XYLT1: variants seen among roughly 807,000 people sequenced by gnomAD.
XYLT1 encodes xylosyltransferase 1.
Under a neutral mutation model 91.3 loss-of-function variants are expected in XYLT1, and 36 were observed. The observed-to-expected ratio is 0.39, with a 90% CI of 0.30 to 0.52. XYLT1 has a LOEUF of 0.52. Among genes scored for constraint, XYLT1 ranks in the 20% least tolerant of loss-of-function variants. The probability of loss-of-function intolerance (pLI) is 0.68; values close to 1 mark genes in which losing one functional copy is unlikely to be tolerated. For synonymous variants in XYLT1, 588 were observed against 532.0 expected (o/e 1.11, Z -1.45); for missense variants, 1,242 against 1,284.5 (o/e 0.97, Z 0.51).
chr16:17,445,361 G>C (rs1400121554), intron 1 of XYLT1, among the ~76,000 whole-genome samples: 2 of 152,226 alleles, frequency 1.3e-5, no homozygotes, highest in African/African-American at 4.8e-5. Context: ...ATTAATATTT[G>C]TCAGATGAAT....
chr16:17,332,454 C>T (rs1447004636), intron 2 of XYLT1, among the ~76,000 whole-genome samples: 5 of 151,918 alleles, frequency 3.3e-5, no homozygotes, highest in South Asian at 2.1e-4. Flanking sequence ...CCCAGCTACT[C>T]GGGAGGCTGA....
At chr16:17,298,938 G>A (rs1182602610) in intron 2 of XYLT1, among the ~76,000 whole-genome samples, 1 of 151,870 alleles carries the variant, frequency 6.6e-6, no homozygotes, top group African/African-American at 2.4e-5. Context: ...ATCACTCTCT[G>A]GGCTATTAAA....
chr16:17,266,746 T>C (rs773027383), intron 2 of XYLT1, among the ~76,000 whole-genome samples: 1 of 152,202 alleles, frequency 6.6e-6, no homozygotes. Context: ...AGTTATTTGG[T>C]GTTGAACTCA....
At chr16:17,151,009 T>C (rs1051244745) in intron 6 of XYLT1, among the ~76,000 whole-genome samples, 1 of 152,188 alleles carries the variant, frequency 6.6e-6, no homozygotes, top group African/African-American at 2.4e-5. Context: ...CCTCACTTCA[T>C]AGGGGCCGAC....
rs992172994 is a variant in XYLT1 at position 17,470,850 on chromosome 16, G to A, written c.-54C>T. 8 of 840,126 alleles carry A rather than the reference G, an allele frequency of 9.5e-6. No individual in the cohort carries two copies. Among genetic ancestry groups the A allele is most frequent in the Admixed American group, 7.4e-4 (1 of 1,344 alleles). 52.0% of individuals were successfully genotyped at this position (840,126 alleles called of 1,614,324 possible). On this transcript the variant is annotated 5_prime_UTR_variant, in exon 1 of 12. Coordinates refer to ENST00000261381, the MANE Select transcript of XYLT1 (RefSeq NM_022166.4). ...CGGGGACCCCGGCACGCTCCGGGCC[G>A]CCCCCGCGCTCCCCGCAGCTCCCGC...
intron 1 of XYLT1, among the ~76,000 whole-genome samples, chr16:17,375,197 T>C (rs143425659): frequency 1.3e-5 from 2 of 152,210 alleles, no homozygotes; most frequent in Non-Finnish European, 2.9e-5. Context: ...GCACTTATTA[T>C]GGACTAGGTA....
At chr16:17,329,308 A>G (rs555468518) in intron 2 of XYLT1, among the ~76,000 whole-genome samples, 1 of 152,264 alleles carries the variant, frequency 6.6e-6, no homozygotes, top group African/African-American at 2.4e-5. Flanking sequence ...TCAATCCACC[A>G]CTCTGTAACC....
chr16:17,334,861 C>T (rs560341973), intron 2 of XYLT1, among the ~76,000 whole-genome samples: 4 of 151,334 alleles, frequency 2.6e-5, no homozygotes, highest in East Asian at 1.9e-4. Context: ...CCAGCCTGGG[C>T]GACAGAGCGA....
chr16:17,337,781 CTT>C (rs10675523), intron 2 of XYLT1, among the ~76,000 whole-genome samples: 4 of 124,436 alleles, frequency 3.2e-5, no homozygotes, highest in African/African-American at 3.5e-5. Context: ...TTTTCTTTTT[CTT>C]TTTTTTTTTT....
At chr16:17,124,028 A>G (rs946359019) in intron 10 of XYLT1, among the ~76,000 whole-genome samples, 5 of 152,164 alleles carry the variant, frequency 3.3e-5, no homozygotes, top group African/African-American at 1.2e-4. Context: ...GTGAGTCCTC[A>G]GGTGCCAGGC....
intron 5 of XYLT1, chr16:17,194,139 T>C (rs1481922672): frequency 6.6e-6 from 1 of 152,208 alleles, no homozygotes; most frequent in East Asian, 1.9e-4. Context: ...ACCTTACGTA[T>C]AAATGGCTGA....
intron 3 of XYLT1, among the ~76,000 whole-genome samples, chr16:17,232,584 T>C (rs554890528): frequency 1.3e-5 from 2 of 151,538 alleles, no homozygotes; most frequent in Non-Finnish European, 2.9e-5. Flanking sequence ...GGCGGTGGTG[T>C]TGGCAGTGAT....
At chr16:17,245,922 T>C (rs1322345499) in intron 3 of XYLT1, among the ~76,000 whole-genome samples, 2 of 152,212 alleles carry the variant, frequency 1.3e-5, no homozygotes, top group Non-Finnish European at 2.9e-5. Flanking sequence ...CTTAGCGTCT[T>C]GGATGGGATT....
intron 1 of XYLT1, among the ~76,000 whole-genome samples, chr16:17,379,757 T>TCACACACA (rs1240413974): frequency 5.5e-4 from 72 of 129,970 alleles, no homozygotes; most frequent in African/African-American, 2.3e-3. Flanking sequence ...TCTCTCTCTC[T>TCACACACA]CTCTCTCACA....
chr16:17,226,580 G>A (rs1354216597), intron 3 of XYLT1, among the ~76,000 whole-genome samples: 2 of 152,184 alleles, frequency 1.3e-5, no homozygotes, highest in African/African-American at 4.8e-5. Flanking sequence ...CTGAGGTCAG[G>A]TGTTTGAGAC....
Position 17,141,366 on chromosome 16 carries a change from G to A in XYLT1, c.1374C>T (p.Phe458=), listed in dbSNP as rs1383365499. The change falls in exon 7 of 12, where the codon TTC becomes TTT. Residue 458 remains phenylalanine (F), a synonymous_variant. Transcript: ENST00000261381. ...GCCGATCCAGGCCCTGCTTCCGAAT[G>A]AACCTGGGAGGGAGAAAGCTGCCCT... The part of the protein sequence containing the change: ...LKSHGRDNAR[F]IRKQGLDRLF... The A allele has an allele frequency of 1.2e-6, 2 of 1,613,594 alleles. No homozygotes were observed. Among genetic ancestry groups the A allele is most frequent in the Non-Finnish European group, 1.7e-6 (2 of 1,179,690 alleles).
rs559021761 is a variant in XYLT1, at chr16:17,325,862, C to T, written c.402+32150G>A. On this transcript the variant is annotated intron_variant, in intron 2 of 11. Coordinates refer to ENST00000261381, the MANE Select transcript of XYLT1 (RefSeq NM_022166.4). ...AACTGTTAGATGATTATTAAATTAG[C>T]TCATCATTTCTAAGCATGAACTGGG... 5.3e-5 allele frequency among the ~76,000 whole-genome samples: 8 copies of T among 152,228 alleles called. No homozygotes were observed. The South Asian group carries it at 1.0e-3, about 20-fold the overall frequency.
rs1038001381 is a variant in XYLT1 at position 17,388,662 on chromosome 16, G to T, written c.364-30612C>A. On this transcript the variant is annotated intron_variant, in intron 1 of 11. Coordinates refer to ENST00000261381, the MANE Select transcript of XYLT1 (RefSeq NM_022166.4). The stretch of plus-strand genomic sequence containing the variant: ...GAAAGGAAAAATCACACTACGGAGG[G>T]TGCTTTACCATAAGATCTTAAGGAT... Among the ~76,000 whole-genome samples, 6 of 152,306 alleles carry T rather than the reference G, an allele frequency of 3.9e-5. No individual in the cohort carries two copies. The South Asian group carries it at 8.3e-4, about 21-fold the overall frequency.
At position 17,186,719 on chromosome 16, in the gene XYLT1, C is replaced by T. The variant is rs77618019; in HGVS notation, c.1289+11493G>A. On this transcript the variant is annotated intron_variant, in intron 5 of 11. Coordinates refer to ENST00000261381, the MANE Select transcript of XYLT1 (RefSeq NM_022166.4). ...GTCTGTCCTGCTCCCTGCGGAACACCCATAGCCTGACGCATGACGGGTGCT... is the reference window on the plus strand; with the variant it reads ...GTCTGTCCTGCTCCCTGCGGAACACTCATAGCCTGACGCATGACGGGTGCT... Among the ~76,000 whole-genome samples the T allele has an allele frequency of 9.7e-3, 1,476 of 152,174 alleles. 18 individuals are homozygous for T. The highest frequency in any genetic ancestry group is 0.032 in the African/African-American group (1,333 of 41,520).
Sources: allele counts gnomAD v4.1 joint callset (sites outside exome capture counted in the v4.1 genomes callset), GRCh38; gene constraint gnomAD v4.1.1; transcripts MANE v1.5; gene names NCBI Gene and HGNC (gene_info 2026-07-23, HGNC 2026-07-21).